The following TSPAN3 variants were observed in gnomAD, a reference collection of about 807,000 sequenced individuals.
The protein encoded by TSPAN3 is tetraspanin 3, also known as tetraspanin-3.
In TSPAN3, 9 loss-of-function variants were observed where a neutral mutation model predicts 31.1. The observed-to-expected ratio is 0.29, with a 90% CI of 0.17 to 0.50. The LOEUF is 0.50. TSPAN3 is among the 20% of genes least tolerant of loss of function. The probability of loss-of-function intolerance (pLI) is 0.98; values close to 1 mark genes in which losing one functional copy is unlikely to be tolerated. For missense variants in TSPAN3, 252 were observed against 313.5 expected, an observed-to-expected ratio of 0.80 and a Z score of 1.48; for synonymous variants, 129 against 114.3, an observed-to-expected ratio of 1.13 and a Z score of -0.82.
At chr15:77,054,136 G>A (rs377046351) in intron 4 of TSPAN3, 42 bp downstream of exon 4, 4 of 1,384,162 alleles carry the variant, frequency 2.9e-6, no homozygotes, top group Non-Finnish European at 2.1e-6. Flanking sequence ...TGACCCAATC[G>A]TGATTGGTCC....
chr15:77,057,935 C>G (rs1338431103), intron 1 of TSPAN3, among the ~76,000 whole-genome samples: 1 of 152,194 alleles, frequency 6.6e-6, no homozygotes, highest in African/African-American at 2.4e-5. Flanking sequence ...ATCTAATCTT[C>G]CCTTACATTC....
At chr15:77,050,162 C>A (rs2076721194) in intron 6 of TSPAN3, among the ~76,000 whole-genome samples, 1 of 152,164 alleles carries the variant, frequency 6.6e-6, no homozygotes, top group South Asian at 2.1e-4. Context: ...TCAGGTTTTC[C>A]ACACCCAGGG....
chr15:77,071,041 G>A lies in TSPAN3; in HGVS notation c.-87C>T. ...CAATGGCGGCGGCGCCTCCTCGCTA[G>A]GAACTGCACGGCCTGCGCGGCGCTC... is the stretch of plus-strand genomic sequence containing the variant. On this transcript the variant is annotated 5_prime_UTR_variant, in exon 1 of 7. Transcript: ENST00000267970. 1.0e-6 allele frequency: 1 copy of A among 956,722 alleles called. No individual in the cohort carries two copies. Among genetic ancestry groups the A allele is most frequent in the Non-Finnish European group, 1.4e-6 (1 of 720,420 alleles). 59.3% of individuals were successfully genotyped at this position (956,722 alleles called of 1,614,324 possible). A position where few individuals can be genotyped will look rare whatever the true frequency, so the allele number is the denominator to read the frequency against.
At chr15:77,062,003 A>T (rs1039379308) in intron 1 of TSPAN3, among the ~76,000 whole-genome samples, 25 of 152,174 alleles carry the variant, frequency 1.6e-4, no homozygotes, top group African/African-American at 5.3e-4. Context: ...CAAGAAGTAA[A>T]AGACTGAGCA....
chr15:77,061,675 A>G (rs113055620), intron 1 of TSPAN3, among the ~76,000 whole-genome samples: 3,538 of 152,360 alleles, frequency 0.023, 93 homozygotes, highest in African/African-American at 0.078. Context: ...TCTGTTGCCA[A>G]AAGTATACCT....
chr15:77,042,486 A>C lies in TSPAN3; in HGVS notation c.*4349T>G, dbSNP rs2076665632. On this transcript the variant is annotated 3_prime_UTR_variant, in exon 7 of 7. Coordinates refer to ENST00000267970, the MANE Select transcript of TSPAN3 (RefSeq NM_005724.6). Reference sequence around the variant, plus strand: ...GATCAGAAATTAGGGGAGTGCTTCCAAAAATGCTGGGATATAGGAGGCACT... The same window carrying C: ...GATCAGAAATTAGGGGAGTGCTTCCCAAAATGCTGGGATATAGGAGGCACT... The C allele has an allele frequency of 6.6e-6, 1 of 152,154 alleles. No individual in the cohort carries two copies. Among genetic ancestry groups the C allele is most frequent in the Non-Finnish European group, 1.5e-5 (1 of 68,032 alleles). The allele number at this position is 152,154 out of a possible 1,614,324, so 9.4% of individuals were successfully genotyped here.
At position 77,041,956 on chromosome 15, in the gene TSPAN3, T is replaced by C. The variant is rs893105247; in HGVS notation, c.*4879A>G. The C allele has an allele frequency of 3.2e-4, 49 of 152,204 alleles. No individual in the cohort carries two copies. Among genetic ancestry groups the C allele is most frequent in the African/African-American group, 1.2e-3 (49 of 41,456 alleles). The allele number at this position is 152,204 out of a possible 1,614,324, so 9.4% of individuals were successfully genotyped here. ...TAGAGATGATCACTGTGGCGAGTAG[T>C]GGAGGCACTGGAGGCAGCCTGCAGG... On this transcript the variant is annotated 3_prime_UTR_variant, in exon 7 of 7. Coordinates refer to ENST00000267970, the MANE Select transcript of TSPAN3 (RefSeq NM_005724.6).
intron 1 of TSPAN3, among the ~76,000 whole-genome samples, chr15:77,059,036 G>A (rs748639043): frequency 6.6e-6 from 1 of 152,010 alleles, no homozygotes; most frequent in African/African-American, 2.4e-5. Context: ...GCACAAAAGT[G>A]GGGGGGAGTG....
At chr15:77,051,420 T>G (rs1166574049) in intron 6 of TSPAN3, among the ~76,000 whole-genome samples, 1 of 151,146 alleles carries the variant, frequency 6.6e-6, no homozygotes, top group Admixed American at 6.6e-5. Flanking sequence ...CCCAGCTACT[T>G]GGGAAGCTGA....
intron 1 of TSPAN3, among the ~76,000 whole-genome samples, chr15:77,069,042 A>G (rs2076850587): frequency 6.6e-6 from 1 of 152,234 alleles, no homozygotes; most frequent in Non-Finnish European, 1.5e-5. Context: ...AGAACGTCAT[A>G]TAATTTCTAC....
rs1314604241 is a variant in TSPAN3 at position 77,071,014 on chromosome 15, G to A, written c.-60C>T. 20 of 1,245,380 alleles carry A rather than the reference G, an allele frequency of 1.6e-5. No homozygotes were observed. Among genetic ancestry groups the A allele is most frequent in the South Asian group, 1.1e-4 (6 of 52,296 alleles). 77.1% of individuals were successfully genotyped at this position (1,245,380 alleles called of 1,614,324 possible). A position where few individuals can be genotyped will look rare whatever the true frequency, so the allele number is the denominator to read the frequency against. On this transcript the variant is annotated 5_prime_UTR_variant, in exon 1 of 7. Coordinates refer to ENST00000267970, the MANE Select transcript of TSPAN3 (RefSeq NM_005724.6). ...GCGGGGCTGCGCTCACCGAGAGAGCGGCAATGGCGGCGGCGCCTCCTCGCT... is the reference window on the plus strand; with the variant it reads ...GCGGGGCTGCGCTCACCGAGAGAGCAGCAATGGCGGCGGCGCCTCCTCGCT...
chr15:77,056,231 C>A lies in TSPAN3; in HGVS notation c.88G>T (p.Val30Leu). Reference protein sequence around the residue: ...FWGAAGILCYVGAYVFITYDD... With the variant: ...FWGAAGILCYLGAYVFITYDD... ...TAAGTGATGAAGACATAGGCTCCCA[C>A]ATAGCATAAAATGCCAGCTGCCCCC... is the stretch of plus-strand genomic sequence containing the variant. Residue 30 changes from valine to leucine, a missense_variant, in exon 2 of 7, where the codon GTG becomes TTG. Val to Leu is a conservative substitution (Grantham distance 32). Transcript: ENST00000267970. 1 of 1,605,396 alleles carries A rather than the reference C, an allele frequency of 6.2e-7. No homozygotes were observed. Among genetic ancestry groups the A allele is most frequent in the East Asian group, 2.2e-5 (1 of 44,702 alleles).
At chr15:77,047,434 G>A (rs115865911) in intron 6 of TSPAN3, among the ~76,000 whole-genome samples, 1 of 152,146 alleles carries the variant, frequency 6.6e-6, no homozygotes, top group Admixed American at 6.5e-5. Context: ...GGTCTTTTCA[G>A]GTCTTTTGGT....
chr15:77,062,430 G>C (rs1426719281), intron 1 of TSPAN3, among the ~76,000 whole-genome samples: 4 of 152,086 alleles, frequency 2.6e-5, no homozygotes, highest in Non-Finnish European at 4.4e-5. Context: ...AGGAAAAAAG[G>C]CCATTCCAAA....
At chr15:77,051,451 C>T (rs1027816566) in intron 6 of TSPAN3, among the ~76,000 whole-genome samples, 2 of 151,596 alleles carry the variant, frequency 1.3e-5, no homozygotes, top group Non-Finnish European at 2.9e-5. Flanking sequence ...TCACTGGAAC[C>T]TGGGAGGCAG....
chr15:77,058,306 C>T (rs959218575), intron 1 of TSPAN3, among the ~76,000 whole-genome samples: 1 of 152,180 alleles, frequency 6.6e-6, no homozygotes, highest in Admixed American at 6.5e-5. Flanking sequence ...AGCCCCAGAT[C>T]TCATTACCCC....
At chr15:77,049,540 T>C (rs1444958653) in intron 6 of TSPAN3, among the ~76,000 whole-genome samples, 1 of 152,216 alleles carries the variant, frequency 6.6e-6, no homozygotes, top group Non-Finnish European at 1.5e-5. Context: ...TCATAATTGA[T>C]CATGAGTTAA....
In TSPAN3 at chr15:77,054,261, G is replaced by A. The variant is rs750216980; in HGVS notation, c.349C>T (p.Arg117Cys). 17 of 1,612,914 alleles carry A rather than the reference G, an allele frequency of 1.1e-5. No homozygotes were observed. Among genetic ancestry groups the A allele is most frequent in the South Asian group, 4.4e-5 (4 of 91,006 alleles). Residue 117 changes from arginine to cysteine, a missense_variant, in exon 4 of 7, where the codon CGC becomes TGC. Physicochemically the swap from Arg to Cys is radical, Grantham distance 180 (BLOSUM62 -3). Transcript: ENST00000267970. Reference protein sequence around the residue: ...YRAKVENEVDRSIQKVYKTYN... With the variant: ...YRAKVENEVDCSIQKVYKTYN... ...GTCTTATACACTTTCTGAATGCTGC[G>A]ATCAACCTCATTTTCCACCTGAATC...
In TSPAN3 at chr15:77,070,973, A is replaced by C; in HGVS notation, c.-19T>G. ...GGCCCATGGCGCCGGTGGCCCGCGA[A>C]GGCCCGGCCCGGAGAGCGGGGCTGC... is the stretch of plus-strand genomic sequence containing the variant. On this transcript the variant is annotated 5_prime_UTR_variant, in exon 1 of 7. Coordinates refer to ENST00000267970, the MANE Select transcript of TSPAN3 (RefSeq NM_005724.6). 3 of 1,420,324 alleles carry C rather than the reference A, an allele frequency of 2.1e-6. No individual in the cohort carries two copies. Among genetic ancestry groups the C allele is most frequent in the African/African-American group, 1.5e-5 (1 of 66,324 alleles). The allele number at this position is 1,420,324 out of a possible 1,614,324, so 88.0% of individuals were successfully genotyped here. A position where few individuals can be genotyped will look rare whatever the true frequency, so the allele number is the denominator to read the frequency against.
Sources: allele counts gnomAD v4.1 joint callset (sites outside exome capture counted in the v4.1 genomes callset), GRCh38; gene constraint gnomAD v4.1.1; transcripts MANE v1.5; gene names NCBI Gene and HGNC (gene_info 2026-07-23, HGNC 2026-07-21).